Variants in CDH23 observed in about 807,000 individuals in gnomAD.
CDH23 encodes cadherin-23.
A neutral mutation model predicts 317.1 loss-of-function variants in CDH23; 189 were observed. The observed-to-expected ratio is 0.60, with a 90% CI of 0.53 to 0.67. The LOEUF (loss-of-function observed/expected upper bound fraction) is 0.67. Among genes scored for constraint, CDH23 ranks in the 30% least tolerant of loss-of-function variants. CDH23 has a pLI of 0.00. For missense variants in CDH23, 4,401 were observed against 4,592.4 expected (o/e 0.96, Z 1.20); for synonymous variants, 1,839 against 1,876.8 (o/e 0.98, Z 0.52).
rs528348868 is a variant in CDH23 at position 71,703,812 on chromosome 10, G to A, written c.2734-1099G>A. Among the ~76,000 whole-genome samples the A allele has an allele frequency of 3.1e-3, 474 of 152,346 alleles. 2 individuals are homozygous for A. Among genetic ancestry groups the A allele is most frequent in the African/African-American group, 0.011 (448 of 41,580 alleles). ...CGGTCCCCGAGGAAGCCCCCAGACC[G>A]GAGGGGAGGCGGGGTGAGAGCAAGT... On this transcript the variant is annotated intron_variant, in intron 24 of 69. Coordinates refer to ENST00000224721, the MANE Select transcript of CDH23 (RefSeq NM_022124.6).
At chr10:71,715,859 T>A (rs2132769083) in intron 28 of CDH23, 8 of 1,374,436 alleles carry the variant, frequency 5.8e-6, no homozygotes, top group Non-Finnish European at 7.7e-6. Flanking sequence ...TCCTGCAGCC[T>A]GCAGCACCGG....
intron 11 of CDH23, among the ~76,000 whole-genome samples, chr10:71,622,525 A>G (rs1290344736): frequency 6.6e-6 from 1 of 152,140 alleles, no homozygotes; most frequent in Non-Finnish European, 1.5e-5. Context: ...CGGGGGACGG[A>G]GGCAGGGTGG....
intron 41 of CDH23, among the ~76,000 whole-genome samples, chr10:71,782,503 G>A (rs935157956): frequency 6.6e-6 from 1 of 152,222 alleles, no homozygotes; most frequent in Non-Finnish European, 1.5e-5. Flanking sequence ...ATGATTGGAC[G>A]AAAGCCTAGG....
rs752606313 is a variant in CDH23 at position 71,790,256 on chromosome 10, G to C, written c.5924-32G>C. On this transcript the variant is annotated intron_variant, in intron 45 of 69. Transcript: ENST00000224721. ...GGTGGGAGGGCAGGGGGCTGGGTTG[G>C]TCTTGTGGTGACCCCTCTCCTTCTG... is the stretch of plus-strand genomic sequence containing the variant. 5.0e-6 allele frequency: 8 copies of C among 1,612,340 alleles called. No homozygotes were observed. The East Asian group carries it at 1.6e-4, about 31-fold the overall frequency.
chr10:71,440,824 G>A (rs148629229), intron 2 of CDH23, among the ~76,000 whole-genome samples: 1 of 152,284 alleles, frequency 6.6e-6, no homozygotes, highest in Non-Finnish European at 1.5e-5. Context: ...AAGAGCCGTG[G>A]GCATGGTGTA....
intron 3 of CDH23, among the ~76,000 whole-genome samples, chr10:71,465,254 G>A (rs757456892): frequency 1.3e-5 from 2 of 152,246 alleles, no homozygotes; most frequent in Non-Finnish European, 2.9e-5. Flanking sequence ...GTTGCACAGC[G>A]CTGGTATAGA....
At chr10:71,603,012 G>A (rs1188616481) in intron 9 of CDH23, among the ~76,000 whole-genome samples, 5 of 152,122 alleles carry the variant, frequency 3.3e-5, no homozygotes, top group Admixed American at 1.3e-4. Context: ...CCCATTAGAC[G>A]GTGGGCTCCC....
At chr10:71,451,109 C>T (rs1400039267) in intron 3 of CDH23, among the ~76,000 whole-genome samples, 30 of 152,080 alleles carry the variant, frequency 2.0e-4, no homozygotes, top group Admixed American at 1.7e-3. Context: ...TTCTCCCTCC[C>T]CTCCCCTCCC....
intron 55 of CDH23, among the ~76,000 whole-genome samples, chr10:71,803,815 C>CAAAAAAAAAA (rs59916449): frequency 1.4e-5 from 1 of 71,086 alleles, no homozygotes; most frequent in Non-Finnish European, 2.6e-5. Flanking sequence ...ACTAAAAATG[C>CAAAAAAAAAA]AAAAAAAAAA....
At chr10:71,406,566 G>A (rs1308372654) in intron 1 of CDH23, among the ~76,000 whole-genome samples, 1 of 152,150 alleles carries the variant, frequency 6.6e-6, no homozygotes, top group African/African-American at 2.4e-5. Flanking sequence ...GGCTAATGGG[G>A]GCCCCTGCTA....
intron 66 of CDH23, 37 bp from the exon 67 acceptor site, chr10:71,812,443 T>TTCCAACCAAC: frequency 6.5e-7 from 1 of 1,538,018 alleles, no homozygotes; most frequent in Non-Finnish European, 8.9e-7. Context: ...ACTCGAGCCT[T>TTCCAACCAAC]CCCTCCCTCC....
In CDH23 at chr10:71,751,798, C is replaced by T. The variant is rs1193644897; in HGVS notation, c.4845+9877C>T. ...AGGACAGGGGGTGCCTGACTTTGGC[C>T]TCGGGTATCCCCTGGGCAGGTGGTG... is the stretch of plus-strand genomic sequence containing the variant. On this transcript the variant is annotated intron_variant, in intron 38 of 69. Transcript: ENST00000224721. This position sits in a 1 kb window ranked among gnomAD's most constrained non-coding sequence, Gnocchi z 4.9. The T allele has an allele frequency of 2.5e-6, 4 of 1,596,968 alleles. No homozygotes were observed. The highest frequency in any genetic ancestry group is 2.6e-6 in the Non-Finnish European group (3 of 1,171,524).
intron 38 of CDH23, chr10:71,761,974 G>C (rs112139772): frequency 4.3e-6 from 7 of 1,613,526 alleles, no homozygotes; most frequent in African/African-American, 2.7e-5. Flanking sequence ...TCTGCCCCTC[G>C]GGACAGACAT....
chr10:71,657,994 C>G (rs1348439330), intron 14 of CDH23, among the ~76,000 whole-genome samples: 1 of 152,210 alleles, frequency 6.6e-6, no homozygotes, highest in Non-Finnish European at 1.5e-5. Flanking sequence ...TGGAAGGCCT[C>G]TGTGGACACA....
chr10:71,636,156 A>G (rs1263976794), intron 11 of CDH23, among the ~76,000 whole-genome samples: 1 of 152,072 alleles, frequency 6.6e-6, no homozygotes, highest in Non-Finnish European at 1.5e-5. Context: ...GGAGGCGAGG[A>G]GAGAGGGGAG....
intron 3 of CDH23, among the ~76,000 whole-genome samples, chr10:71,454,510 G>A (rs1850595471): frequency 6.6e-6 from 1 of 152,206 alleles, no homozygotes; most frequent in African/African-American, 2.4e-5. Context: ...ACCTAGACTG[G>A]AAATTGGCCA....
intron 2 of CDH23, among the ~76,000 whole-genome samples, chr10:71,441,199 T>C (rs1183765990): frequency 2.6e-5 from 4 of 152,128 alleles, no homozygotes; most frequent in African/African-American, 9.7e-5. Flanking sequence ...AGCAGGGGTC[T>C]GTTATCCTCC....
At chr10:71,595,721 C>T (rs536395895) in intron 9 of CDH23, among the ~76,000 whole-genome samples, 14 of 152,296 alleles carry the variant, frequency 9.2e-5, no homozygotes, top group South Asian at 4.1e-4. Context: ...CAACGCTCTG[C>T]GGGAGTCATT....
At chr10:71,470,992 G>A (rs946839493) in intron 3 of CDH23, among the ~76,000 whole-genome samples, 22 of 152,268 alleles carry the variant, frequency 1.4e-4, no homozygotes, top group African/African-American at 4.1e-4. Context: ...TGATAATTGA[G>A]TTTTGAGGGT....
Sources: allele counts gnomAD v4.1 joint callset (sites outside exome capture counted in the v4.1 genomes callset), GRCh38; gene constraint gnomAD v4.1.1; non-coding constraint Gnocchi (gnomAD v3.1); transcripts MANE v1.5; gene names NCBI Gene and HGNC (gene_info 2026-07-23, HGNC 2026-07-21).